Variants in CACNA1E observed in about 807,000 individuals in gnomAD.
The protein encoded by CACNA1E is calcium voltage-gated channel subunit alpha1 E, also known as voltage-dependent R-type calcium channel subunit alpha-1E.
A neutral mutation model predicts 259.2 loss-of-function variants in CACNA1E; 40 were observed. The observed-to-expected ratio is 0.15, with a 90% CI of 0.12 to 0.20. CACNA1E has a LOEUF of 0.20. Ranked by LOEUF, CACNA1E falls within the 10% of genes least tolerant of loss-of-function variation. The pLI is 1.00. For synonymous variants in CACNA1E, 1,104 were observed against 1,138.5 expected, an observed-to-expected ratio of 0.97 and a Z score of 0.61; for missense variants, 1,874 against 3,040.1, an observed-to-expected ratio of 0.62 and a Z score of 9.02.
chr1:181,428,346 A>G (rs1428087599), intron 2 of CACNA1E, among the ~76,000 whole-genome samples: 1 of 152,208 alleles, frequency 6.6e-6, no homozygotes, highest in Non-Finnish European at 1.5e-5. Context: ...CAAGGTCCTA[A>G]TTAGCATGCT....
intron 3 of CACNA1E, among the ~76,000 whole-genome samples, chr1:181,537,956 A>C (rs1668299691): frequency 6.6e-6 from 1 of 152,238 alleles, no homozygotes; most frequent in Non-Finnish European, 1.5e-5. Flanking sequence ...ATATTGGAAC[A>C]ACAAAAATGG....
intron 1 of CACNA1E, among the ~76,000 whole-genome samples, chr1:181,347,290 A>C (rs778997558): frequency 6.6e-6 from 1 of 152,176 alleles, no homozygotes; most frequent in Non-Finnish European, 1.5e-5. Flanking sequence ...ATGACTGTTC[A>C]TGGAGGCAGA....
intron 1 of CACNA1E, among the ~76,000 whole-genome samples, chr1:181,392,704 G>C (rs918822592): frequency 6.6e-6 from 1 of 152,160 alleles, no homozygotes; most frequent in Non-Finnish European, 1.5e-5. Flanking sequence ...AACCCCAAAA[G>C]GGTGCTTTAG....
intron 3 of CACNA1E, among the ~76,000 whole-genome samples, chr1:181,559,490 T>G (rs374557908): frequency 6.6e-6 from 1 of 152,036 alleles, no homozygotes; most frequent in African/African-American, 2.4e-5. Context: ...TATGAAACTT[T>G]AGGAAATGTG....
chr1:181,439,156 A>T (rs184339045), intron 2 of CACNA1E, among the ~76,000 whole-genome samples: 2 of 152,356 alleles, frequency 1.3e-5, no homozygotes, highest in Non-Finnish European at 2.9e-5. Context: ...TTGTATGTTA[A>T]ATATGTCAGA....
Position 181,733,621 on chromosome 1 carries a change from G to A in CACNA1E, c.3133G>A (p.Val1045Ile). 2 of 1,613,024 alleles carry A rather than the reference G, an allele frequency of 1.2e-6. No individual in the cohort carries two copies. Among genetic ancestry groups the A allele is most frequent in the Non-Finnish European group, 8.5e-7 (1 of 1,179,552 alleles). ...GAATGTGCAGCTAGACATGGGCCGG[G>A]TCATCAGCCAGAGCGAGCCTGACCT... ...LGNVQLDMGR[V>I]ISQSEPDLSC... Residue 1045 changes from valine to isoleucine, a missense_variant, in exon 21 of 48, where the codon GTC becomes ATC. Physicochemically the swap from Val to Ile is conservative, Grantham distance 29. This residue lies in a region of CACNA1E where 476 missense variants were observed against 514.0 expected (regional missense o/e 0.93). Transcript: ENST00000367573.
intron 3 of CACNA1E, among the ~76,000 whole-genome samples, chr1:181,572,111 TC>T (rs1257822417): frequency 1.3e-5 from 2 of 152,184 alleles, no homozygotes; most frequent in Non-Finnish European, 2.9e-5. Flanking sequence ...GACCACTGTT[TC>T]AGGGTATTTT....
intron 6 of CACNA1E, among the ~76,000 whole-genome samples, chr1:181,590,386 T>G (rs1652504833): frequency 7.9e-6 from 1 of 126,922 alleles, no homozygotes; most frequent in Non-Finnish European, 1.6e-5. Flanking sequence ...GGCAGCAGAG[T>G]AGTGGAGTCA....
At chr1:181,545,771 G>C (rs576731582) in intron 3 of CACNA1E, among the ~76,000 whole-genome samples, 1 of 152,200 alleles carries the variant, frequency 6.6e-6, no homozygotes, top group East Asian at 1.9e-4. Flanking sequence ...TTCCCTCATA[G>C]CTTTCAAGAC....
chr1:181,739,409 G>A, intron 25 of CACNA1E, 156 bp downstream of exon 25: 3 of 633,774 alleles, frequency 4.7e-6, no homozygotes, highest in Non-Finnish European at 8.5e-6. Context: ...CAGAGCTCCT[G>A]AGCGCCTTGC....
intron 3 of CACNA1E, among the ~76,000 whole-genome samples, chr1:181,532,087 G>T (rs1397962567): frequency 6.6e-6 from 1 of 152,024 alleles, no homozygotes; most frequent in African/African-American, 2.4e-5. Context: ...AAGAAAACTG[G>T]GTGACATGGA....
chr1:181,517,161 A>T lies in CACNA1E; in HGVS notation c.512+5651A>T. Reference sequence around the variant, plus strand: ...CTGGGGCACTGGGGAAAGCTTCTTGAAAGAAGTCACATTTAAACAAGTGGA... The same window carrying T: ...CTGGGGCACTGGGGAAAGCTTCTTGTAAGAAGTCACATTTAAACAAGTGGA... On this transcript the variant is annotated intron_variant, in intron 3 of 47. Coordinates refer to ENST00000367573, the MANE Select transcript of CACNA1E (RefSeq NM_001205293.3). 1.3e-5 allele frequency among the ~76,000 whole-genome samples: 2 copies of T among 152,192 alleles called. 1 individual carries two copies. Among genetic ancestry groups the T allele is most frequent in the Admixed American group, 1.3e-4 (2 of 15,286 alleles).
At chr1:181,491,529 G>A (rs2102511062) in intron 1 of CACNA1E, among the ~76,000 whole-genome samples, 1 of 152,292 alleles carries the variant, frequency 6.6e-6, no homozygotes, top group South Asian at 2.1e-4. Context: ...TTTCTAGAAG[G>A]CCAGTCTTAC....
At chr1:181,771,943 G>A (rs1041526863) in intron 36 of CACNA1E, 123 bp from the exon 37 acceptor site, 7 of 832,350 alleles carry the variant, frequency 8.4e-6, no homozygotes, top group Non-Finnish European at 1.3e-5. Context: ...GGGGTCAACT[G>A]GGTAAAAAGA....
At chr1:181,529,708 G>C (rs1387894859) in intron 3 of CACNA1E, among the ~76,000 whole-genome samples, 1 of 152,208 alleles carries the variant, frequency 6.6e-6, no homozygotes, top group African/African-American at 2.4e-5. Flanking sequence ...TGCCCCACTG[G>C]ATTTCGGATT....
At chr1:181,656,374 G>A (rs1320756849) in intron 7 of CACNA1E, among the ~76,000 whole-genome samples, 1 of 152,000 alleles carries the variant, frequency 6.6e-6, no homozygotes, top group Non-Finnish European at 1.5e-5. Flanking sequence ...GTGTGTGTTT[G>A]TGTCTTCGCT....
rs191854886 is a variant in CACNA1E, at chr1:181,766,312, T to C, written c.4816-234T>C. On this transcript the variant is annotated intron_variant, in intron 34 of 47. Transcript: ENST00000367573. The stretch of plus-strand genomic sequence containing the variant: ...ACATTTATGGGTGAGTGAATCTCCC[T>C]GATAGAGGTAAATTTTAAGCCTCCC... 5.3e-5 allele frequency among the ~76,000 whole-genome samples: 8 copies of C among 152,350 alleles called. No homozygotes were observed. In the East Asian group the frequency reaches 1.5e-3, roughly 29 times the overall value.
chr1:181,783,633 A>ATTTT, intron 39 of CACNA1E, 46 bp from the exon 40 acceptor site: 22 of 872,276 alleles, frequency 2.5e-5, no homozygotes, highest in South Asian at 3.3e-5. Context: ...ATGTCTTTCA[A>ATTTT]TTTTTTTTTT....
intron 6 of CACNA1E, among the ~76,000 whole-genome samples, chr1:181,613,743 A>G (rs1654963890): frequency 6.6e-6 from 1 of 152,182 alleles, no homozygotes; most frequent in African/African-American, 2.4e-5. Flanking sequence ...CCTGGTGCTC[A>G]CTTCTCTCCC....
Sources: gnomAD v4.1 joint callset for allele counts (sites outside exome capture counted in the v4.1 genomes callset) on GRCh38, gnomAD v4.1.1 for gene constraint, gnomAD v4.1.1 regional missense constraint, MANE v1.5 for transcripts, NCBI Gene and HGNC (gene_info 2026-07-23, HGNC 2026-07-21) for gene names.